Variants in REDIC1 observed in about 807,000 individuals in gnomAD.
REDIC1 encodes the protein regulator of DNA class I crossover intermediates 1, also known as HEI10 Interacting Protein 1.
chr12:39,680,804 A>G, the REDIC1 span, among the ~76,000 whole-genome samples: 1 of 151,942 alleles, frequency 6.6e-6, no homozygotes, highest in Non-Finnish European at 1.5e-5. Flanking sequence ...ACACACTCAC[A>G]CTCCATGGAA....
At chr12:39,693,263 CTT>C in the REDIC1 span, among the ~76,000 whole-genome samples, 1 of 152,018 alleles carries the variant, frequency 6.6e-6, no homozygotes, top group Non-Finnish European at 1.5e-5. Flanking sequence ...ATCTGGTACT[CTT>C]TTAGGTATTC....
the REDIC1 span, among the ~76,000 whole-genome samples, chr12:39,672,948 T>C: frequency 6.6e-6 from 1 of 152,108 alleles, no homozygotes; most frequent in Non-Finnish European, 1.5e-5. Context: ...CAGTGCCACC[T>C]CAGGGACTTT....
chr12:39,897,531 C>G, the REDIC1 span, among the ~76,000 whole-genome samples: 1 of 152,158 alleles, frequency 6.6e-6, no homozygotes, highest in East Asian at 1.9e-4. Flanking sequence ...ACTGTGTAAT[C>G]GATCCCTGTG....
the REDIC1 span, among the ~76,000 whole-genome samples, chr12:39,708,888 T>G: frequency 6.6e-6 from 1 of 151,924 alleles, no homozygotes. Context: ...TAAACTTGCT[T>G]AAGTCCAAAA....
the REDIC1 span, among the ~76,000 whole-genome samples, chr12:39,660,923 G>A: frequency 6.6e-6 from 1 of 151,924 alleles, no homozygotes; most frequent in African/African-American, 2.4e-5. Context: ...TGTGCTATTT[G>A]TCTTTCTGTG....
At chr12:39,727,455 G>C in the REDIC1 span, among the ~76,000 whole-genome samples, 2 of 152,094 alleles carry the variant, frequency 1.3e-5, no homozygotes, top group Non-Finnish European at 2.9e-5. Context: ...AAGATCAAAT[G>C]GTTGTAGATG....
chr12:39,712,334 A>C, the REDIC1 span, among the ~76,000 whole-genome samples: 2 of 102,542 alleles, frequency 2.0e-5, 1 homozygote, highest in Non-Finnish European at 4.2e-5. Context: ...ATATGTTTAT[A>C]TACCTGTATT....
the REDIC1 span, among the ~76,000 whole-genome samples, chr12:39,718,133 G>A: frequency 6.6e-6 from 1 of 152,044 alleles, no homozygotes; most frequent in African/African-American, 2.4e-5. Context: ...GTAATGGCAT[G>A]TTCAATGGTA....
chr12:39,646,530 G>A, the REDIC1 span: 10 of 1,403,816 alleles, frequency 7.1e-6, no homozygotes, highest in South Asian at 1.4e-4. Flanking sequence ...TTACTCACTC[G>A]AAAATGTATA....
chr12:39,723,152 G>A, the REDIC1 span, among the ~76,000 whole-genome samples: 1 of 152,122 alleles, frequency 6.6e-6, no homozygotes, highest in East Asian at 1.9e-4. Flanking sequence ...ATGACTGAAA[G>A]CTCCCTGTTT....
At chr12:39,700,512 G>A in the REDIC1 span, among the ~76,000 whole-genome samples, 63 of 152,218 alleles carry the variant, frequency 4.1e-4, 1 homozygote, top group East Asian at 4.7e-3. Flanking sequence ...AAAACACTCC[G>A]CAGGATATTA....
At chr12:39,859,930 A>C in the REDIC1 span, among the ~76,000 whole-genome samples, 2 of 152,224 alleles carry the variant, frequency 1.3e-5, no homozygotes, top group Non-Finnish European at 1.5e-5. Flanking sequence ...GATCTGTATC[A>C]AAGAGGTAAT....
the REDIC1 span, among the ~76,000 whole-genome samples, chr12:39,863,885 G>A: frequency 6.6e-6 from 1 of 152,164 alleles, no homozygotes; most frequent in Non-Finnish European, 1.5e-5. Context: ...AGGGTATAAT[G>A]TTTTAATTTC....
chr12:39,653,563 T>TCTA, the REDIC1 span, among the ~76,000 whole-genome samples: 1 of 136,154 alleles, frequency 7.3e-6, no homozygotes, highest in Non-Finnish European at 1.6e-5. Flanking sequence ...TCTTCTTTCT[T>TCTA]CTTCTTCTTT....
chr12:39,653,585 C>CTTTCTTCTTCTTCTTT, the REDIC1 span, among the ~76,000 whole-genome samples: 5 of 75,186 alleles, frequency 6.7e-5, no homozygotes, highest in African/African-American at 9.5e-5. Flanking sequence ...TCTTCCTCTT[C>CTTTCTTCTTCTTCTTT]TTCTTCCTCT....
At chr12:39,734,259 T>C in the REDIC1 span, among the ~76,000 whole-genome samples, 1 of 152,140 alleles carries the variant, frequency 6.6e-6, no homozygotes, top group Admixed American at 6.5e-5. Context: ...CCAGTCCCAG[T>C]AGGATGAGCT....
chr12:39,727,794 G>A, the REDIC1 span, among the ~76,000 whole-genome samples: 9 of 152,178 alleles, frequency 5.9e-5, no homozygotes, highest in Non-Finnish European at 8.8e-5. Flanking sequence ...AGCATGGAAT[G>A]TTCTTCCATT....
At chr12:39,847,061 T>C in the REDIC1 span, among the ~76,000 whole-genome samples, 3 of 152,182 alleles carry the variant, frequency 2.0e-5, no homozygotes, top group Non-Finnish European at 2.9e-5. Flanking sequence ...TTTGCAAAGC[T>C]AGAGTTAAAT....
the REDIC1 span, among the ~76,000 whole-genome samples, chr12:39,709,412 A>G: frequency 6.6e-6 from 1 of 151,740 alleles, no homozygotes; most frequent in African/African-American, 2.4e-5. Context: ...AACAGTTTCC[A>G]GGTGTACAAT....
Sources: allele counts gnomAD v4.1 joint callset (sites outside exome capture counted in the v4.1 genomes callset), GRCh38; gene constraint gnomAD v4.1.1; transcripts MANE v1.5; gene names NCBI Gene and HGNC (gene_info 2026-07-23, HGNC 2026-07-21).